The following CCDC69 variants were observed in gnomAD, a reference collection of about 807,000 sequenced individuals.
CCDC69 encodes coiled-coil domain-containing protein 69.
Under a neutral mutation model 40.3 loss-of-function variants are expected in CCDC69, and 38 were observed. That is an observed-to-expected ratio of 0.94 (90% confidence interval 0.73 to 1.24). The LOEUF is 1.24. Among genes scored for constraint, CCDC69 ranks in the 50% most tolerant of loss-of-function variants. The pLI is 0.00. For missense variants in CCDC69, 389 were observed against 357.9 expected (o/e 1.09, Z -0.70); for synonymous variants, 141 against 138.9 (o/e 1.02, Z -0.11).
At chr5:151,193,529 GAAAA>G (rs577502917) in intron 4 of CCDC69, among the ~76,000 whole-genome samples, 1 of 148,760 alleles carries the variant, frequency 6.7e-6, no homozygotes, top group Admixed American at 6.7e-5. Context: ...GAAAAGAAAA[GAAAA>G]AAGAAGACAG....
chr5:151,204,368 TG>T (rs1384542041), intron 2 of CCDC69, among the ~76,000 whole-genome samples: 5 of 152,198 alleles, frequency 3.3e-5, no homozygotes, highest in African/African-American at 7.2e-5. Flanking sequence ...GATTGGATTT[TG>T]TGGTCCAATT....
intron 1 of CCDC69, among the ~76,000 whole-genome samples, chr5:151,215,283 A>G (rs890428314): frequency 6.6e-6 from 1 of 152,228 alleles, no homozygotes; most frequent in African/African-American, 2.4e-5. Context: ...GAGAGTCCAG[A>G]GCCAAGGTCC....
At chr5:151,215,264 T>A (rs996316810) in intron 1 of CCDC69, among the ~76,000 whole-genome samples, 1 of 152,244 alleles carries the variant, frequency 6.6e-6, no homozygotes, top group Non-Finnish European at 1.5e-5. Context: ...CACAGTCCAA[T>A]GGCAAATTGA....
At chr5:151,193,077 A>T (rs1752643313) in intron 4 of CCDC69, among the ~76,000 whole-genome samples, 1 of 152,186 alleles carries the variant, frequency 6.6e-6, no homozygotes, top group African/African-American at 2.4e-5. Context: ...TTATATGCAA[A>T]TAATACGCCA....
chr5:151,207,484 A>T (rs1236936485), intron 1 of CCDC69, among the ~76,000 whole-genome samples: 3 of 148,620 alleles, frequency 2.0e-5, no homozygotes, highest in African/African-American at 7.5e-5. Context: ...GTAGAGATGG[A>T]GTTTCACCGT....
At chr5:151,215,751 A>G in intron 1 of CCDC69, 1 of 291,630 alleles carries the variant, frequency 3.4e-6, no homozygotes, top group Non-Finnish European at 7.7e-6. Context: ...TCCTAATTCT[A>G]CAGTAGCACT....
chr5:151,214,626 C>G (rs1284450787), intron 1 of CCDC69, among the ~76,000 whole-genome samples: 6 of 152,078 alleles, frequency 3.9e-5, no homozygotes, highest in Admixed American at 3.9e-4. Flanking sequence ...GAGGACAGTC[C>G]AATGTGATTG....
At chr5:151,203,925 C>T (rs59739918) in intron 2 of CCDC69, among the ~76,000 whole-genome samples, 1 of 120,318 alleles carries the variant, frequency 8.3e-6, no homozygotes, top group Admixed American at 8.4e-5. Context: ...AGTATATATA[C>T]TAATAAATAA....
intron 1 of CCDC69, among the ~76,000 whole-genome samples, chr5:151,219,928 C>CT (rs1028666986): frequency 6.6e-6 from 1 of 151,974 alleles, no homozygotes; most frequent in African/African-American, 2.4e-5. Flanking sequence ...CCTTTGAGGC[C>CT]TTTTTTTGGC....
chr5:151,185,303 G>A (rs1336955483), intron 7 of CCDC69, 119 bp downstream of exon 7: 2 of 1,174,038 alleles, frequency 1.7e-6, no homozygotes, highest in Non-Finnish European at 2.4e-6. Context: ...GCAGGTCAAA[G>A]CTGGAGTGAA....
chr5:151,201,696 T>C lies in CCDC69; in HGVS notation c.125-8A>G. The C allele has an allele frequency of 6.4e-7, 1 of 1,568,926 alleles. No individual in the cohort carries two copies. The highest frequency in any genetic ancestry group is 8.7e-7 in the Non-Finnish European group (1 of 1,154,200). ...AGAGCTGGACAGTTATAGCTAGAGA[T>C]GAAAAAGCAAAAAAATAAAAATAAA... On this transcript the variant is annotated splice_region_variant and splice_polypyrimidine_tract_variant and intron_variant, in intron 2 of 8. Coordinates refer to ENST00000355417, the MANE Select transcript of CCDC69 (RefSeq NM_015621.3).
At position 151,195,633 on chromosome 5, in the gene CCDC69, C is replaced by T. The variant is rs539607706; in HGVS notation, c.319+3364G>A. 2.0e-5 allele frequency among the ~76,000 whole-genome samples: 3 copies of T among 148,046 alleles called. No individual in the cohort carries two copies. In the Admixed American group the frequency reaches 2.1e-4, roughly 10 times the overall value. On this transcript the variant is annotated intron_variant, in intron 4 of 8. Coordinates refer to ENST00000355417, the MANE Select transcript of CCDC69 (RefSeq NM_015621.3). The stretch of plus-strand genomic sequence containing the variant: ...ACTCGGGAGGCTGAGGCAGAAGAAT[C>T]ACTTGAACCCGGGAGGCGGAGGTTA...
At chr5:151,220,489 G>A (rs1753118353) in intron 1 of CCDC69, among the ~76,000 whole-genome samples, 1 of 152,164 alleles carries the variant, frequency 6.6e-6, no homozygotes, top group African/African-American at 2.4e-5. Flanking sequence ...TGCCCTTGTT[G>A]TCTACTGGTT....
rs181489729 is a variant in CCDC69, at chr5:151,190,694, A to G, written c.320-3235T>C. On this transcript the variant is annotated intron_variant, in intron 4 of 8. Coordinates refer to ENST00000355417, the MANE Select transcript of CCDC69 (RefSeq NM_015621.3). ...AAAAAAAAAAAAAAAAAGGAACTCT[A>G]AGTAGATTGTTAAGTATATTGTAAT... Among the ~76,000 whole-genome samples the G allele has an allele frequency of 3.3e-5, 5 of 150,744 alleles. No individual in the cohort carries two copies. The East Asian group carries it at 7.8e-4, about 24-fold the overall frequency.
At chr5:151,223,101 GC>G (rs2114008494) in intron 1 of CCDC69, among the ~76,000 whole-genome samples, 1 of 152,308 alleles carries the variant, frequency 6.6e-6, no homozygotes, top group Non-Finnish European at 1.5e-5. Flanking sequence ...CTTCCCCTCT[GC>G]CTCACAGTGT....
Position 151,181,163 on chromosome 5 carries a change from C to T in CCDC69, c.*2274G>A, listed in dbSNP as rs1363845129. The T allele has an allele frequency of 6.6e-6, 1 of 152,252 alleles. No homozygotes were observed. The highest frequency in any genetic ancestry group is 1.5e-5 in the Non-Finnish European group (1 of 68,078). The allele number at this position is 152,252 out of a possible 1,614,324, so 9.4% of individuals were successfully genotyped here. On this transcript the variant is annotated 3_prime_UTR_variant, in exon 9 of 9. Coordinates refer to ENST00000355417, the MANE Select transcript of CCDC69 (RefSeq NM_015621.3). Reference sequence around the variant, plus strand: ...GCTGCGTGAGGGAAGCCTGGCTCCCCACAACTTGCTCCTTCTCCAGCCCTG... The same window carrying T: ...GCTGCGTGAGGGAAGCCTGGCTCCCTACAACTTGCTCCTTCTCCAGCCCTG...
In CCDC69 at chr5:151,224,016, C is replaced by G. The variant is rs761646257; in HGVS notation, c.-46G>C. On this transcript the variant is annotated 5_prime_UTR_variant, in exon 1 of 9. Transcript: ENST00000355417. ...ACGCCGCTTCCCAACTCCGGGGCCC[C>G]CAGAGGAGCCTGCGATCCGGGCCCC... 4.0e-6 allele frequency: 6 copies of G among 1,505,332 alleles called. No individual in the cohort carries two copies. The highest frequency in any genetic ancestry group is 5.3e-6 in the Non-Finnish European group (6 of 1,128,188). The allele number at this position is 1,505,332 out of a possible 1,614,324, so 93.2% of individuals were successfully genotyped here.
At chr5:151,214,375 G>A (rs566628481) in intron 1 of CCDC69, among the ~76,000 whole-genome samples, 22 of 152,262 alleles carry the variant, frequency 1.4e-4, no homozygotes, top group African/African-American at 4.6e-4. Flanking sequence ...GAGGAAGGGC[G>A]GGGCCTAAAT....
intron 3 of CCDC69, 105 bp downstream of exon 3, chr5:151,201,477 G>T (rs1394683782): frequency 1.2e-5 from 8 of 688,512 alleles, no homozygotes; most frequent in Non-Finnish European, 2.0e-5. Context: ...AATGAGTAAG[G>T]GACTCTTACA....
Sources: gnomAD v4.1 joint callset for allele counts (sites outside exome capture counted in the v4.1 genomes callset) on GRCh38, gnomAD v4.1.1 for gene constraint, MANE v1.5 for transcripts, NCBI Gene and HGNC (gene_info 2026-07-23, HGNC 2026-07-21) for gene names.